Variants in ARHGAP17 observed in about 807,000 individuals in gnomAD.
ARHGAP17 encodes Rho GTPase activating protein 17.
ARHGAP17 carries 57 observed loss-of-function variants against 99.5 expected under a neutral mutation model. The observed-to-expected ratio is 0.57, with a 90% confidence interval of 0.46 to 0.71. The LOEUF is 0.71. ARHGAP17 is among the 30% of genes least tolerant of loss of function. The pLI is 0.00. For missense variants in ARHGAP17, 1,000 were observed against 1,122.4 expected (o/e 0.89, Z 1.56); for synonymous variants, 417 against 429.6 (o/e 0.97, Z 0.36).
At chr16:24,992,134 G>A (rs565098257) in intron 1 of ARHGAP17, among the ~76,000 whole-genome samples, 29 of 152,248 alleles carry the variant, frequency 1.9e-4, no homozygotes, top group African/African-American at 6.5e-4. Flanking sequence ...TGCCTGCCAT[G>A]GAACTCGGGG....
intron 1 of ARHGAP17, among the ~76,000 whole-genome samples, chr16:25,005,946 A>G (rs1456112062): frequency 6.6e-6 from 1 of 152,222 alleles, no homozygotes; most frequent in African/African-American, 2.4e-5. Flanking sequence ...CAATACTGTC[A>G]TGATATAAAC....
At chr16:24,985,187 C>T (rs983183355) in intron 1 of ARHGAP17, among the ~76,000 whole-genome samples, 4 of 109,788 alleles carry the variant, frequency 3.6e-5, no homozygotes, top group Non-Finnish European at 5.3e-5. Context: ...TAAATGCAAC[C>T]CCACACACAC....
At chr16:24,921,196 C>T (rs1009011997) in intron 19 of ARHGAP17, among the ~76,000 whole-genome samples, 3 of 152,168 alleles carry the variant, frequency 2.0e-5, no homozygotes, top group Non-Finnish European at 2.9e-5. Context: ...ATGAAGCCCA[C>T]GGTCAAGTGG....
intron 1 of ARHGAP17, among the ~76,000 whole-genome samples, chr16:24,987,286 T>C (rs2052900481): frequency 6.6e-6 from 1 of 152,220 alleles, no homozygotes; most frequent in Non-Finnish European, 1.5e-5. Flanking sequence ...CATGAACTAC[T>C]GTTCCTCTTT....
intron 1 of ARHGAP17, among the ~76,000 whole-genome samples, chr16:24,992,097 T>G: frequency 6.6e-6 from 1 of 151,568 alleles, no homozygotes; most frequent in African/African-American, 2.4e-5. Flanking sequence ...GAACAGGAGG[T>G]GGAGATGTGG....
intron 15 of ARHGAP17, 81 bp from the exon 16 acceptor site, chr16:24,942,224 G>GA: frequency 7.1e-7 from 1 of 1,414,750 alleles, no homozygotes; most frequent in Non-Finnish European, 9.5e-7. Context: ...TCATTGGAAC[G>GA]GGAACCTCGT....
chr16:24,939,118 G>A (rs1016873321), intron 17 of ARHGAP17, among the ~76,000 whole-genome samples: 10 of 152,172 alleles, frequency 6.6e-5, no homozygotes, highest in African/African-American at 1.7e-4. Context: ...ACTGGCTTCC[G>A]GTTTCCAGCA....
At chr16:24,922,542 C>G (rs180701955) in intron 19 of ARHGAP17, among the ~76,000 whole-genome samples, 3 of 152,312 alleles carry the variant, frequency 2.0e-5, no homozygotes, top group East Asian at 3.9e-4. Flanking sequence ...TCCCCAGCCC[C>G]TCTCTATTCC....
intron 10 of ARHGAP17, 33 bp downstream of exon 10, chr16:24,954,570 A>G: frequency 6.3e-7 from 1 of 1,598,722 alleles, no homozygotes; most frequent in South Asian, 1.1e-5. Context: ...GGGCATGGAG[A>G]CTTGGTGCAC....
intron 16 of ARHGAP17, chr16:24,939,877 T>C (rs2051263877): frequency 4.3e-6 from 2 of 464,138 alleles, no homozygotes; most frequent in Non-Finnish European, 7.9e-6. Flanking sequence ...AATGACATCA[T>C]GTTAGTGTGT....
At chr16:24,952,461 T>C in intron 11 of ARHGAP17, 91 bp from the exon 12 acceptor site, 1 of 961,792 alleles carries the variant, frequency 1.0e-6, no homozygotes, top group Non-Finnish European at 1.6e-6. Context: ...ATGATCTCAA[T>C]AACGATCTTC....
chr16:24,937,822 G>A (rs73555428), intron 17 of ARHGAP17, among the ~76,000 whole-genome samples: 8,472 of 152,288 alleles, frequency 0.056, 784 homozygotes, highest in African/African-American at 0.19. Context: ...CTCTCTGTGT[G>A]GGAAATAAAC....
chr16:25,009,259 C>T (rs559242463), intron 1 of ARHGAP17, among the ~76,000 whole-genome samples: 30 of 151,510 alleles, frequency 2.0e-4, no homozygotes, highest in African/African-American at 7.3e-4. Context: ...CCCAGCTACT[C>T]GGGAGGCTGA....
rs376664090 is a variant in ARHGAP17 at position 24,929,453 on chromosome 16, A to G, written c.2515+1331T>C. Among the ~76,000 whole-genome samples the G allele has an allele frequency of 3.9e-5, 6 of 152,356 alleles. No homozygotes were observed. In the East Asian group the frequency reaches 9.6e-4, roughly 24 times the overall value. On this transcript the variant is annotated intron_variant, in intron 19 of 19. Coordinates refer to ENST00000289968, the MANE Select transcript of ARHGAP17 (RefSeq NM_001006634.3). ...TTCTGATAAAAATAAAGAAATGTCA[A>G]TATGCTACAGAATGGATGGCCTATT...
rs557381476 is a variant in ARHGAP17, at chr16:24,978,761, C to T, written c.93+205G>A. Among the ~76,000 whole-genome samples, 9 of 151,804 alleles carry T rather than the reference C, an allele frequency of 5.9e-5. No homozygotes were observed. The East Asian group carries it at 7.8e-4, about 13-fold the overall frequency. ...AGCTAACCAGCGCAGACGTGAGATT[C>T]GAACCCAGGTAGCTGGGTTTCAGAT... On this transcript the variant is annotated intron_variant, in intron 2 of 19. Coordinates refer to ENST00000289968, the MANE Select transcript of ARHGAP17 (RefSeq NM_001006634.3).
chr16:25,012,641 T>G (rs974548739), intron 1 of ARHGAP17, among the ~76,000 whole-genome samples: 5 of 152,326 alleles, frequency 3.3e-5, no homozygotes, highest in South Asian at 2.1e-4. Flanking sequence ...TTTATCTTCC[T>G]TAGTCCTTTC....
chr16:24,982,980 ATATATATATATATATATTTTTTTTTTT>A (rs1471458724), intron 1 of ARHGAP17, among the ~76,000 whole-genome samples: 3 of 16,874 alleles, frequency 1.8e-4, no homozygotes, highest in Non-Finnish European at 3.2e-4. Flanking sequence ...ATATATATAT[ATATATATATATATATATTTTTTTTTTT>A]TTTTTTTTTT....
At chr16:25,010,077 T>C (rs1208773400) in intron 1 of ARHGAP17, among the ~76,000 whole-genome samples, 7 of 148,908 alleles carry the variant, frequency 4.7e-5, no homozygotes, top group African/African-American at 7.4e-5. Context: ...CTTCCTCTTT[T>C]TTTTCTTTTT....
At chr16:24,978,866 T>TAAAAAAAAAAAAAAAA in intron 2 of ARHGAP17, 100 bp downstream of exon 2, 1 of 540,938 alleles carries the variant, frequency 1.8e-6, no homozygotes, top group Non-Finnish European at 3.0e-6. Context: ...TGTTTCTGGT[T>TAAAAAAAAAAAAAAAA]AAAAAAAAAA....
Sources: gnomAD v4.1 joint callset for allele counts (sites outside exome capture counted in the v4.1 genomes callset) on GRCh38, gnomAD v4.1.1 for gene constraint, MANE v1.5 for transcripts, NCBI Gene and HGNC (gene_info 2026-07-23, HGNC 2026-07-21) for gene names.